Variants in ERC1 observed in about 807,000 individuals in gnomAD.
The protein encoded by ERC1 is RAB6 interacting protein 2.
In ERC1, 56 loss-of-function variants were observed where a neutral mutation model predicts 132.0. The ratio of observed to expected loss-of-function variants is 0.42; its 90% CI spans 0.34 to 0.53. The LOEUF (loss-of-function observed/expected upper bound fraction) is 0.53. ERC1 is among the 20% of genes least tolerant of loss of function. ERC1 has a pLI of 0.03. For synonymous variants in ERC1, 478 were observed against 476.1 expected, an observed-to-expected ratio of 1.00 and a Z score of -0.05; for missense variants, 1,202 against 1,349.9, an observed-to-expected ratio of 0.89 and a Z score of 1.72.
At chr12:1,119,549 G>A (rs1036180959) in intron 7 of ERC1, among the ~76,000 whole-genome samples, 3 of 102,592 alleles carry the variant, frequency 2.9e-5, no homozygotes, top group East Asian at 2.7e-4. Context: ...GTGTGTGTGT[G>A]TGTGTGTGTG....
At position 1,105,645 on chromosome 12, in the gene ERC1, C is replaced by T. The variant is rs575856996; in HGVS notation, c.1161+821C>T. Among the ~76,000 whole-genome samples, 16 of 152,298 alleles carry T rather than the reference C, an allele frequency of 1.1e-4. No homozygotes were observed. The East Asian group carries it at 2.1e-3, about 20-fold the overall frequency. On this transcript the variant is annotated intron_variant, in intron 4 of 18. Transcript: ENST00000360905. ...GTGCTGGGATTACAGGTGTGAGCCA[C>T]CGCACCTGGCCAAGATTTATTAAAA...
intron 2 of ERC1, among the ~76,000 whole-genome samples, chr12:1,066,239 TG>T (rs1231679292): frequency 6.6e-6 from 1 of 152,272 alleles, no homozygotes; most frequent in African/African-American, 2.4e-5. Flanking sequence ...ATATTCGCTA[TG>T]GCGATTAATA....
chr12:1,461,815 G>T (rs1243086863), intron 18 of ERC1, among the ~76,000 whole-genome samples: 1 of 152,094 alleles, frequency 6.6e-6, no homozygotes, highest in African/African-American at 2.4e-5. Context: ...AATTCAGCAG[G>T]CATAGAGACA....
chr12:1,058,245 A>G (rs1324033652), intron 2 of ERC1, among the ~76,000 whole-genome samples: 2 of 152,112 alleles, frequency 1.3e-5, no homozygotes, highest in Non-Finnish European at 2.9e-5. Context: ...AAACCTTACC[A>G]AGAAAGTCTT....
intron 7 of ERC1, among the ~76,000 whole-genome samples, chr12:1,132,889 C>T (rs1406747927): frequency 6.6e-6 from 1 of 150,950 alleles, no homozygotes; most frequent in Non-Finnish European, 1.5e-5. Context: ...GAGTTTCGCT[C>T]TTGTCACCCA....
At chr12:1,118,578 T>G (rs1946710916) in intron 7 of ERC1, among the ~76,000 whole-genome samples, 1 of 152,256 alleles carries the variant, frequency 6.6e-6, no homozygotes, top group Non-Finnish European at 1.5e-5. Context: ...GAATGAAAGC[T>G]AACTTTCTTT....
At chr12:1,063,709 T>C (rs1938513866) in intron 2 of ERC1, among the ~76,000 whole-genome samples, 1 of 152,216 alleles carries the variant, frequency 6.6e-6, no homozygotes, top group Admixed American at 6.5e-5. Context: ...TCAAGATTGT[T>C]CTTGATATGT....
At chr12:1,392,047 CAGTA>C (rs905236040) in intron 16 of ERC1, among the ~76,000 whole-genome samples, 1 of 152,110 alleles carries the variant, frequency 6.6e-6, no homozygotes, top group African/African-American at 2.4e-5. Flanking sequence ...TTCTTAAAGA[CAGTA>C]AGGCAGACTA....
chr12:1,469,745 C>T (rs1035670997), intron 18 of ERC1, among the ~76,000 whole-genome samples: 4 of 152,190 alleles, frequency 2.6e-5, no homozygotes, highest in African/African-American at 9.6e-5. Flanking sequence ...CTTTAGGGGG[C>T]TGTGGGAATA....
chr12:1,348,053 A>G (rs1381899668), intron 15 of ERC1, among the ~76,000 whole-genome samples: 3 of 152,158 alleles, frequency 2.0e-5, no homozygotes, highest in African/African-American at 7.2e-5. Context: ...TTGATTCTCT[A>G]GAGTGTGGTA....
intron 12 of ERC1, among the ~76,000 whole-genome samples, chr12:1,208,419 TA>T (rs58304873): frequency 0.066 from 9,999 of 152,280 alleles, 1,081 homozygotes; most frequent in African/African-American, 0.23. Context: ...CGATAATTCT[TA>T]CTCTTCCAGT....
At chr12:1,464,027 A>G (rs935082712) in intron 18 of ERC1, among the ~76,000 whole-genome samples, 1 of 152,174 alleles carries the variant, frequency 6.6e-6, no homozygotes, top group African/African-American at 2.4e-5. Context: ...AATCCCCTCA[A>G]ATGAAGTTGG....
intron 15 of ERC1, among the ~76,000 whole-genome samples, chr12:1,314,477 G>A (rs1019988321): frequency 2.0e-5 from 3 of 152,124 alleles, no homozygotes; most frequent in East Asian, 1.9e-4. Flanking sequence ...AGTAGTAAAC[G>A]AGGGCAACTA....
At chr12:1,390,142 C>T (rs1039190543) in intron 16 of ERC1, among the ~76,000 whole-genome samples, 3 of 152,030 alleles carry the variant, frequency 2.0e-5, no homozygotes, top group Admixed American at 6.6e-5. Context: ...TTTTTATTTT[C>T]TTTGGTAGAT....
intron 13 of ERC1, among the ~76,000 whole-genome samples, chr12:1,262,043 T>C (rs1315292123): frequency 6.6e-6 from 1 of 152,212 alleles, no homozygotes; most frequent in African/African-American, 2.4e-5. Context: ...TGTGGTATAA[T>C]TGAGTTTCTT....
At chr12:1,084,896 C>G (rs910948529) in intron 3 of ERC1, among the ~76,000 whole-genome samples, 1 of 152,108 alleles carries the variant, frequency 6.6e-6, no homozygotes, top group Admixed American at 6.5e-5. Flanking sequence ...GAGACAGAGT[C>G]TCCCTATGTT....
chr12:1,210,159 C>T lies in ERC1; in HGVS notation c.2351+20107C>T, dbSNP rs149572433. Among the ~76,000 whole-genome samples the T allele has an allele frequency of 2.4e-3, 370 of 152,316 alleles. 2 individuals are homozygous for T. Among genetic ancestry groups the T allele is most frequent in the African/African-American group, 8.3e-3 (347 of 41,562 alleles). ...ACAAACTTCAGAACTATTGAGTTGG[C>T]TTCTTGGGTATGGCTTATGCTTTCA... On this transcript the variant is annotated intron_variant, in intron 12 of 18. Coordinates refer to ENST00000360905, the MANE Select transcript of ERC1 (RefSeq NM_178040.4).
intron 15 of ERC1, among the ~76,000 whole-genome samples, chr12:1,293,153 A>G (rs1347889938): frequency 7.3e-6 from 1 of 137,102 alleles, no homozygotes; most frequent in East Asian, 2.3e-4. Context: ...CAAAAAAAAA[A>G]AAAAAAATTA....
intron 1 of ERC1, among the ~76,000 whole-genome samples, chr12:1,007,899 G>C (rs548224711): frequency 2.0e-5 from 3 of 152,242 alleles, no homozygotes; most frequent in African/African-American, 7.2e-5. Flanking sequence ...TTTAACAGCA[G>C]TATGGGACTG....
Sources: allele counts gnomAD v4.1 joint callset (sites outside exome capture counted in the v4.1 genomes callset), GRCh38; gene constraint gnomAD v4.1.1; transcripts MANE v1.5; gene names NCBI Gene and HGNC (gene_info 2026-07-23, HGNC 2026-07-21).